MYO1F: variants seen among roughly 807,000 people sequenced by gnomAD.
MYO1F encodes myosin IF.
A neutral mutation model predicts 146.6 loss-of-function variants in MYO1F; 60 were observed. The observed-to-expected ratio is 0.41, with a 90% CI of 0.33 to 0.51. The LOEUF is 0.51. Among genes scored for constraint, MYO1F ranks in the 20% least tolerant of loss-of-function variants. The pLI, the probability that MYO1F is intolerant of heterozygous loss-of-function variation, is 0.25. For synonymous variants in MYO1F, 602 were observed against 602.1 expected (o/e 1.00, Z 0.00); for missense variants, 1,274 against 1,534.3 (o/e 0.83, Z 2.83).
chr19:8,550,810 G>T, intron 8 of MYO1F, 116 bp from the exon 9 acceptor site: 1 of 1,396,018 alleles, frequency 7.2e-7, no homozygotes, highest in Non-Finnish European at 1.0e-6. Flanking sequence ...TTGGGTCCCT[G>T]TCCTACCCCT....
chr19:8,534,849 A>G (rs1360358733), intron 19 of MYO1F, among the ~76,000 whole-genome samples: 2 of 148,656 alleles, frequency 1.3e-5, no homozygotes, highest in African/African-American at 2.5e-5. Context: ...CTGGTCTTGA[A>G]CTCCTGACCT....
At position 8,530,421 on chromosome 19, in the gene MYO1F, G is replaced by T; in HGVS notation, c.2158+38C>A. 1 of 1,613,722 alleles carries T rather than the reference G, an allele frequency of 6.2e-7. No individual in the cohort carries two copies. The highest frequency in any genetic ancestry group is 8.5e-7 in the Non-Finnish European group (1 of 1,179,968). ...CCTGATACAGCTCCTCCAGGTCCTT[G>T]TGCCCCCACCCCGCGCCGTTTACCC... is the stretch of plus-strand genomic sequence containing the variant. On this transcript the variant is annotated intron_variant, in intron 20 of 27. Coordinates refer to ENST00000644032, the MANE Select transcript of MYO1F (RefSeq NM_012335.4). The surrounding 1 kb of genome is among the most constrained non-coding windows in gnomAD (Gnocchi z 5.8).
chr19:8,527,138 G>T (rs893335490), intron 22 of MYO1F, among the ~76,000 whole-genome samples, 200 bp downstream of exon 22: 1 of 152,104 alleles, frequency 6.6e-6, no homozygotes, highest in Admixed American at 6.6e-5. Flanking sequence ...TCTAGTAAGA[G>T]GGTAAGGTGC....
At chr19:8,561,900 A>G (rs1474936415) in intron 1 of MYO1F, among the ~76,000 whole-genome samples, 1 of 151,784 alleles carries the variant, frequency 6.6e-6, no homozygotes, top group Non-Finnish European at 1.5e-5. Context: ...TATTTTTAGT[A>G]GAGATAAGGT....
At position 8,522,821 on chromosome 19, in the gene MYO1F, G is replaced by A; in HGVS notation, c.2863C>T (p.Arg955Cys). The A allele has an allele frequency of 2.5e-6, 4 of 1,570,834 alleles. No individual in the cohort carries two copies. The highest frequency in any genetic ancestry group is 3.4e-6 in the Non-Finnish European group (4 of 1,162,028). ...CTGGCAGAGGGGGGCACCCCATTGC[G>A]ATCCATGCCTGTGGCAGGAGCAAGG... is the stretch of plus-strand genomic sequence containing the variant. ...AAPAPPRGMD[R>C]NGVPPSARGG... Residue 955 changes from arginine to cysteine, a missense_variant, in exon 26 of 28, where the codon CGC becomes TGC. Physicochemically the swap from Arg to Cys is radical, Grantham distance 180. Coordinates refer to ENST00000644032, the MANE Select transcript of MYO1F (RefSeq NM_012335.4).
intron 25 of MYO1F, among the ~76,000 whole-genome samples, chr19:8,524,339 C>T (rs556797150): frequency 4.9e-4 from 74 of 149,634 alleles, no homozygotes; most frequent in Non-Finnish European, 8.6e-4. Flanking sequence ...TCTCTTGAAC[C>T]CAGAAGGTGG....
At chr19:8,539,841 G>T in intron 16 of MYO1F, 106 bp downstream of exon 16, 2 of 993,386 alleles carry the variant, frequency 2.0e-6, no homozygotes, top group Non-Finnish European at 3.1e-6. Context: ...CCCCAGGATT[G>T]GTAGACAGAC....
At chr19:8,559,417 G>A (rs1243184103) in intron 1 of MYO1F, among the ~76,000 whole-genome samples, 2 of 152,012 alleles carry the variant, frequency 1.3e-5, no homozygotes, top group East Asian at 3.9e-4. Flanking sequence ...GGATGCCCAT[G>A]GGCATTAAAT....
chr19:8,551,959 G>A, intron 7 of MYO1F, 74 bp downstream of exon 7: 2 of 1,613,688 alleles, frequency 1.2e-6, no homozygotes, highest in South Asian at 1.1e-5. Context: ...TGCCCCCCTA[G>A]GTGTTTACCT....
At chr19:8,571,936 G>A (rs903887960) in intron 1 of MYO1F, among the ~76,000 whole-genome samples, 3 of 152,042 alleles carry the variant, frequency 2.0e-5, no homozygotes, top group Admixed American at 6.6e-5. Flanking sequence ...TGTTAGCCAG[G>A]ATGGTCTCGA....
At chr19:8,572,756 G>A (rs1342134015) in intron 1 of MYO1F, among the ~76,000 whole-genome samples, 1 of 151,922 alleles carries the variant, frequency 6.6e-6, no homozygotes, top group East Asian at 1.9e-4. Flanking sequence ...AGTGCAGTGG[G>A]GCCATCACAG....
intron 1 of MYO1F, among the ~76,000 whole-genome samples, chr19:8,559,647 G>A (rs1198162773): frequency 3.9e-5 from 6 of 151,982 alleles, no homozygotes; most frequent in African/African-American, 1.4e-4. Flanking sequence ...GAGGCTGAGG[G>A]GCATTTGAAA....
At chr19:8,547,283 A>G (rs2145903119) in intron 12 of MYO1F, among the ~76,000 whole-genome samples, 1 of 133,618 alleles carries the variant, frequency 7.5e-6, no homozygotes, top group Non-Finnish European at 1.5e-5. Context: ...CCTGGACAAC[A>G]GAGCGAGTTC....
At chr19:8,574,573 TTCTTTCTC>T (rs1317467766) in intron 1 of MYO1F, among the ~76,000 whole-genome samples, 1 of 89,958 alleles carries the variant, frequency 1.1e-5, no homozygotes. Context: ...CTTTCTTTCT[TTCTTTCTC>T]TCTCTCTCTC....
chr19:8,568,229 C>T (rs1358321529), intron 1 of MYO1F, among the ~76,000 whole-genome samples: 2 of 151,836 alleles, frequency 1.3e-5, no homozygotes, highest in Admixed American at 1.3e-4. Context: ...CGAGACTATC[C>T]TGGCTAACAC....
intron 19 of MYO1F, among the ~76,000 whole-genome samples, chr19:8,534,190 A>C (rs897898237): frequency 4.5e-4 from 68 of 151,988 alleles, no homozygotes; most frequent in African/African-American, 1.6e-3. Context: ...AAAAAAAAAA[A>C]AAAATTCATC....
At chr19:8,551,557 G>T in intron 8 of MYO1F, 183 bp downstream of exon 8, 1 of 778,028 alleles carries the variant, frequency 1.3e-6, no homozygotes, top group Non-Finnish European at 2.1e-6. Flanking sequence ...TAACCACGTT[G>T]GCCAGGCCGG....
chr19:8,541,627 C>T lies in MYO1F; in HGVS notation c.1610+279G>A, dbSNP rs560166734. On this transcript the variant is annotated intron_variant, in intron 15 of 27. Transcript: ENST00000644032. ...TAATTTTAGTAGAGACAAGGTTTTG[C>T]CATGTTGCCCAGGCTGGTCTCAAAC... 5.8e-4 allele frequency: 260 copies of T among 450,952 alleles called. 3 individuals carry two copies. The highest frequency in any genetic ancestry group is 5.5e-3 in the South Asian group (259 of 47,322). The allele number at this position is 450,952 out of a possible 1,614,324, so 27.9% of individuals were successfully genotyped here. A position where few individuals can be genotyped will look rare whatever the true frequency, so the allele number is the denominator to read the frequency against.
intron 4 of MYO1F, 116 bp from the exon 5 acceptor site, chr19:8,553,553 A>T: frequency 1.2e-6 from 1 of 829,748 alleles, no homozygotes; most frequent in East Asian, 2.5e-5. Context: ...GGTACTGGGG[A>T]TACTGTAATG....
Sources: allele counts gnomAD v4.1 joint callset (sites outside exome capture counted in the v4.1 genomes callset), GRCh38; gene constraint gnomAD v4.1.1; non-coding constraint Gnocchi (gnomAD v3.1); transcripts MANE v1.5; gene names NCBI Gene and HGNC (gene_info 2026-07-23, HGNC 2026-07-21).